Variants in SEMA3E observed in about 807,000 individuals in gnomAD.
The protein encoded by SEMA3E is semaphorin-3E.
SEMA3E carries 49 observed loss-of-function variants against 93.6 expected under a neutral mutation model. The ratio of observed to expected loss-of-function variants is 0.52; its 90% confidence interval spans 0.42 to 0.66. The LOEUF (loss-of-function observed/expected upper bound fraction) is 0.66, where lower values mean the gene tolerates loss of function less well. Ranked by LOEUF, SEMA3E falls within the 30% of genes least tolerant of loss-of-function variation. The pLI, the probability that SEMA3E is intolerant of heterozygous loss-of-function variation, is 0.00. For synonymous variants in SEMA3E, 363 were observed against 330.7 expected, an observed-to-expected ratio of 1.10 and a Z score of -1.06; for missense variants, 906 against 964.8, an observed-to-expected ratio of 0.94 and a Z score of 0.81.
chr7:83,431,094 G>GAAAAAAAAAA (rs869043431), intron 4 of SEMA3E, among the ~76,000 whole-genome samples: 1 of 8,444 alleles, frequency 1.2e-4, no homozygotes, highest in African/African-American at 1.5e-4. Context: ...AGAAAAAAAA[G>GAAAAAAAAAA]AAAAAAAAAA....
rs779025228 is a variant in SEMA3E at position 83,407,078 on chromosome 7, A to G, written c.813+19T>C. 1 of 1,613,088 alleles carries G rather than the reference A, an allele frequency of 6.2e-7. No homozygotes were observed. The highest frequency in any genetic ancestry group is 8.5e-7 in the Non-Finnish European group (1 of 1,179,626). On this transcript the variant is annotated intron_variant, in intron 7 of 16. Transcript: ENST00000643230. ...ATAAATTGTGAGATAAGCAAGCATAATGAGAGAGAAAGCCTCACCACACAG... is the reference window on the plus strand; with the variant it reads ...ATAAATTGTGAGATAAGCAAGCATAGTGAGAGAGAAAGCCTCACCACACAG...
chr7:83,579,268 G>A (rs1295645564), intron 1 of SEMA3E, among the ~76,000 whole-genome samples: 1 of 152,074 alleles, frequency 6.6e-6, no homozygotes, highest in Non-Finnish European at 1.5e-5. Context: ...AACCATGTAA[G>A]TGCAATCTAT....
chr7:83,550,955 G>C (rs1241776578), intron 1 of SEMA3E, among the ~76,000 whole-genome samples: 1 of 151,998 alleles, frequency 6.6e-6, no homozygotes, highest in African/African-American at 2.4e-5. Flanking sequence ...AGTAATAAAA[G>C]TATAACATAA....
At chr7:83,453,300 G>A (rs1302574933) in intron 4 of SEMA3E, among the ~76,000 whole-genome samples, 2 of 151,936 alleles carry the variant, frequency 1.3e-5, no homozygotes, top group Admixed American at 6.6e-5. Flanking sequence ...AAAGTGCTGG[G>A]ATTACAGGCA....
At chr7:83,402,884 T>G in intron 9 of SEMA3E, 108 bp from the exon 10 acceptor site, 1 of 1,052,820 alleles carries the variant, frequency 9.5e-7, no homozygotes, top group Non-Finnish European at 1.4e-6. Flanking sequence ...GTAAAGTGGT[T>G]GCAATTTCTT....
chr7:83,506,396 T>C (rs144054446), intron 1 of SEMA3E, among the ~76,000 whole-genome samples: 8 of 152,170 alleles, frequency 5.3e-5, no homozygotes, highest in African/African-American at 1.9e-4. Flanking sequence ...TCTCACTTAT[T>C]TGTGGGATCT....
intron 5 of SEMA3E, among the ~76,000 whole-genome samples, chr7:83,414,056 TGA>T (rs745337317): frequency 2.0e-5 from 3 of 152,122 alleles, no homozygotes; most frequent in East Asian, 1.9e-4. Context: ...TTCTGCCAAG[TGA>T]GAGAGAGAGC....
chr7:83,481,832 A>G lies in SEMA3E; in HGVS notation c.276+8282T>C, dbSNP rs527571654. 4.2e-4 allele frequency among the ~76,000 whole-genome samples: 64 copies of G among 152,336 alleles called. 1 individual carries two copies. The highest frequency in any genetic ancestry group is 3.3e-3 in the South Asian group (16 of 4,834). On this transcript the variant is annotated intron_variant, in intron 2 of 16. Coordinates refer to ENST00000643230, the MANE Select transcript of SEMA3E (RefSeq NM_012431.3). ...TTATCTATTTCAAAGTTGTATGGAA[A>G]AATTATTCTTATAAGTGTGCATATT...
At chr7:83,457,580 ACTTC>A (rs1789512049) in intron 4 of SEMA3E, among the ~76,000 whole-genome samples, 1 of 152,162 alleles carries the variant, frequency 6.6e-6, no homozygotes, top group South Asian at 2.1e-4. Flanking sequence ...TGAGTTCAAC[ACTTC>A]CTTTTCTTTC....
chr7:83,506,573 A>G (rs755151213), intron 1 of SEMA3E, among the ~76,000 whole-genome samples: 216 of 152,146 alleles, frequency 1.4e-3, no homozygotes, highest in Non-Finnish European at 2.2e-3. Context: ...AAAAAAACAT[A>G]AGGGGCAAGA....
chr7:83,368,209 CTGTG>C (rs1336086971), intron 16 of SEMA3E, among the ~76,000 whole-genome samples, 171 bp from the exon 17 acceptor site: 4,141 of 59,002 alleles, frequency 0.07, 66 homozygotes, highest in Middle Eastern at 0.11. Flanking sequence ...CTCTCTCTCT[CTGTG>C]TGTGTGTGTG....
chr7:83,450,769 C>T (rs975377979), intron 4 of SEMA3E, among the ~76,000 whole-genome samples: 7 of 151,974 alleles, frequency 4.6e-5, no homozygotes, highest in African/African-American at 1.5e-4. Context: ...GTGTACTTAA[C>T]GAATGTCTCT....
At chr7:83,506,030 AAAATAT>A (rs1790698572) in intron 1 of SEMA3E, among the ~76,000 whole-genome samples, 1 of 133,490 alleles carries the variant, frequency 7.5e-6, no homozygotes, top group African/African-American at 2.9e-5. Flanking sequence ...AAAAAAAAAA[AAAATAT>A]ATATATATAT....
intron 1 of SEMA3E, among the ~76,000 whole-genome samples, chr7:83,496,004 T>A (rs1431164637): frequency 6.6e-6 from 1 of 151,996 alleles, no homozygotes; most frequent in Non-Finnish European, 1.5e-5. Flanking sequence ...CTCAAGGTGA[T>A]AATAACAGTT....
intron 1 of SEMA3E, among the ~76,000 whole-genome samples, chr7:83,569,712 T>A (rs2115863259): frequency 6.6e-6 from 1 of 152,286 alleles, no homozygotes; most frequent in African/African-American, 2.4e-5. Context: ...CCACCCACGA[T>A]CGGAGCACTG....
chr7:83,427,247 T>C (rs1788792584), intron 4 of SEMA3E, among the ~76,000 whole-genome samples: 1 of 152,072 alleles, frequency 6.6e-6, no homozygotes, highest in Non-Finnish European at 1.5e-5. Context: ...TCTTTCTTTT[T>C]CTTCAATACT....
chr7:83,642,441 G>A (rs187356848), intron 1 of SEMA3E, among the ~76,000 whole-genome samples: 261 of 152,224 alleles, frequency 1.7e-3, no homozygotes, highest in African/African-American at 6.1e-3. Context: ...GACCAAAAAT[G>A]TTCTCTTAAT....
intron 1 of SEMA3E, among the ~76,000 whole-genome samples, chr7:83,565,578 C>T (rs1040383929): frequency 1.3e-5 from 2 of 152,110 alleles, no homozygotes; most frequent in African/African-American, 2.4e-5. Context: ...GAATTAATAG[C>T]AAATGTATGA....
At chr7:83,572,096 A>G (rs1330753756) in intron 1 of SEMA3E, among the ~76,000 whole-genome samples, 1 of 152,174 alleles carries the variant, frequency 6.6e-6, no homozygotes, top group East Asian at 1.9e-4. Flanking sequence ...ATGGAAAAAT[A>G]TTCTATGTTC....
Sources: gnomAD v4.1 joint callset for allele counts (sites outside exome capture counted in the v4.1 genomes callset) on GRCh38, gnomAD v4.1.1 for gene constraint, MANE v1.5 for transcripts, NCBI Gene and HGNC (gene_info 2026-07-23, HGNC 2026-07-21) for gene names.